NRXN2: variants seen among roughly 807,000 people sequenced by gnomAD.
The protein encoded by NRXN2 is neurexin 2, also known as neurexin-2-beta.
A neutral mutation model predicts 128.8 loss-of-function variants in NRXN2; 29 were observed. The ratio of observed to expected loss-of-function variants is 0.23; its 90% CI spans 0.17 to 0.31. The LOEUF is 0.31. Ranked by LOEUF, NRXN2 falls within the 10% of genes least tolerant of loss-of-function variation. NRXN2 has a pLI of 1.00. For synonymous variants in NRXN2, 1,098 were observed against 1,075.2 expected (o/e 1.02, Z -0.41); for missense variants, 1,881 against 2,452.6 (o/e 0.77, Z 4.92).
chr11:64,701,902 T>TG lies in NRXN2; in HGVS notation c.731-4111dup, dbSNP rs71579892. On this transcript the variant is annotated intron_variant, in intron 2 of 22. Coordinates refer to ENST00000265459, the MANE Select transcript of NRXN2 (RefSeq NM_015080.4). The stretch of plus-strand genomic sequence containing the variant: ...CCAGCCGCTCTGTCCGGGAGGGAGG[T>TG]GGGGGGGGTCAGCCCCCCGCCCGGC... Among the ~76,000 whole-genome samples the TG allele has an allele frequency of 5.2e-4, 52 of 100,570 alleles. 2 individuals are homozygous for TG. Among genetic ancestry groups the TG allele is most frequent in the Admixed American group, 1.1e-3 (11 of 9,614 alleles). 66.0% of individuals were successfully genotyped at this position (100,570 alleles called of 152,430 possible).
At chr11:64,688,532 CACAA>C (rs1017450417) in intron 5 of NRXN2, 1 of 985,338 alleles carries the variant, frequency 1.0e-6, no homozygotes, top group African/African-American at 1.7e-5. Flanking sequence ...CTCAGCAGAG[CACAA>C]ACAAGATCTG....
intron 17 of NRXN2, chr11:64,642,677 ACAG>A: frequency 1.9e-6 from 3 of 1,556,434 alleles, no homozygotes; most frequent in East Asian, 2.5e-5. Flanking sequence ...CCCAGCAGCA[ACAG>A]CAGCAACAGC....
intron 2 of NRXN2, among the ~76,000 whole-genome samples, chr11:64,708,532 C>A (rs1022403980): frequency 2.6e-5 from 4 of 152,182 alleles, no homozygotes; most frequent in Non-Finnish European, 5.9e-5. Context: ...CTCAGCCACT[C>A]CCACTGAGCT....
intron 17 of NRXN2, among the ~76,000 whole-genome samples, chr11:64,638,486 G>A (rs376764270): frequency 1.3e-5 from 2 of 152,160 alleles, no homozygotes; most frequent in African/African-American, 4.8e-5. Context: ...GCGCTCCGGA[G>A]GCGCCTTCAG....
chr11:64,625,389 C>T (rs1198701549), intron 20 of NRXN2, among the ~76,000 whole-genome samples: 1 of 152,248 alleles, frequency 6.6e-6, no homozygotes, highest in Non-Finnish European at 1.5e-5. Context: ...CTGGAGAGAG[C>T]AGCCCAGTGT....
chr11:64,664,080 AT>A (rs2049431423), intron 9 of NRXN2, among the ~76,000 whole-genome samples: 1 of 152,216 alleles, frequency 6.6e-6, no homozygotes, highest in Admixed American at 6.5e-5. Flanking sequence ...CCAGAGTTTC[AT>A]TTTGGGAAGA....
intron 21 of NRXN2, 86 bp from the exon 22 acceptor site, chr11:64,620,458 A>C: frequency 9.4e-7 from 1 of 1,065,622 alleles, no homozygotes; most frequent in Non-Finnish European, 1.4e-6. Flanking sequence ...GCACGGTGGC[A>C]CGGGGGATGC....
At chr11:64,657,807 G>A (rs987985687) in intron 11 of NRXN2, among the ~76,000 whole-genome samples, 2 of 152,138 alleles carry the variant, frequency 1.3e-5, no homozygotes, top group African/African-American at 2.4e-5. Context: ...CAAGCCTTTG[G>A]TCACAGATTG....
intron 7 of NRXN2, among the ~76,000 whole-genome samples, chr11:64,674,116 C>T (rs2050989978): frequency 6.6e-6 from 1 of 151,406 alleles, no homozygotes; most frequent in African/African-American, 2.4e-5. Context: ...TGGGCTCATG[C>T]ACTCTTCCCA....
Position 64,622,898 on chromosome 11 carries a change from C to A in NRXN2, c.4028G>T (p.Gly1343Val). The A allele has an allele frequency of 4.3e-6, 7 of 1,613,100 alleles. No homozygotes were observed. The highest frequency in any genetic ancestry group is 5.9e-6 in the Non-Finnish European group (7 of 1,179,822). Residue 1343 changes from glycine to valine, a missense_variant, in exon 21 of 23, where the codon GGG (glycine) becomes GTG (valine). By Grantham distance (109) the Gly-to-Val change is moderately radical. This residue lies in a region of NRXN2 where 108 missense variants were observed against 165.2 expected (regional missense o/e 0.65). Transcript: ENST00000265459. This position sits in a 1 kb window ranked among gnomAD's most constrained non-coding sequence, Gnocchi z 4.3. ...TEGHLRLVGEGPSVLLSAETT... is the reference protein window; with the variant it reads ...TEGHLRLVGEVPSVLLSAETT... ...CTCCGCACTGAGCAGCACGGACGGC[C>A]CCTCCCCCACCAGGCGCAGGTGACC...
chr11:64,644,402 A>C (rs2135427988), intron 17 of NRXN2, among the ~76,000 whole-genome samples: 3 of 150,254 alleles, frequency 2.0e-5, no homozygotes, highest in African/African-American at 7.4e-5. Flanking sequence ...CCCCAGCCCC[A>C]ACCTCTCCCT....
intron 9 of NRXN2, among the ~76,000 whole-genome samples, chr11:64,665,240 C>T (rs1333716513): frequency 6.6e-6 from 1 of 151,106 alleles, no homozygotes; most frequent in East Asian, 1.9e-4. Flanking sequence ...GAGATCGCGC[C>T]ACTGCACTCC....
intron 22 of NRXN2, among the ~76,000 whole-genome samples, chr11:64,611,969 T>C (rs1250465213): frequency 6.7e-6 from 1 of 149,602 alleles, no homozygotes; most frequent in Non-Finnish European, 1.5e-5. Context: ...CCACATGGCT[T>C]CCTCTCCGTT....
chr11:64,643,817 G>T (rs2046211089), intron 17 of NRXN2, among the ~76,000 whole-genome samples: 2 of 151,976 alleles, frequency 1.3e-5, no homozygotes, highest in African/African-American at 4.8e-5. Flanking sequence ...AAGGGACCCT[G>T]CTGAATAATG....
Position 64,695,087 on chromosome 11 carries a change from T to C in NRXN2, c.749-2211A>G, listed in dbSNP as rs956133329. ...GAAGGGGAGGCTGGTTCCCTTCCTG[T>C]CTACCCCTGGCTCAGTCCCAGCTGG... On this transcript the variant is annotated intron_variant, in intron 3 of 22. Coordinates refer to ENST00000265459, the MANE Select transcript of NRXN2 (RefSeq NM_015080.4). Among the ~76,000 whole-genome samples the C allele has an allele frequency of 5.3e-5, 8 of 152,276 alleles. No individual in the cohort carries two copies. The East Asian group carries it at 1.5e-3, about 29-fold the overall frequency.
At chr11:64,621,572 G>A (rs931838249) in intron 21 of NRXN2, among the ~76,000 whole-genome samples, 1 of 152,112 alleles carries the variant, frequency 6.6e-6, no homozygotes, top group Non-Finnish European at 1.5e-5. Flanking sequence ...GCAGGGAGGA[G>A]GGGTCTTAAA....
intron 17 of NRXN2, among the ~76,000 whole-genome samples, chr11:64,642,251 A>T (rs2135416318): frequency 6.6e-6 from 1 of 152,090 alleles, no homozygotes; most frequent in African/African-American, 2.4e-5. Flanking sequence ...AGGAAGTAGA[A>T]GGAGATAATG....
chr11:64,648,804 G>C lies in NRXN2; in HGVS notation c.3213C>G (p.Leu1071=), dbSNP rs139264192. 2.6e-3 allele frequency: 4,147 copies of C among 1,614,202 alleles called. 12 individuals carry two copies. Among genetic ancestry groups the C allele is most frequent in the Non-Finnish European group, 2.9e-3 (3,392 of 1,180,022 alleles). Residue 1071 remains leucine, a synonymous_variant, in exon 16 of 23, where the codon CTC becomes CTG. Transcript: ENST00000265459. This position sits in a 1 kb window ranked among gnomAD's most constrained non-coding sequence, Gnocchi z 4.1. ...CGATGAGGTCTGGGAGACGTCCGTT[G>C]AGGTCCACTGAGGCCAGGCAGCCCT... ...GFQGCLASVD[L]NGRLPDLIAD... is the part of the protein sequence containing the mutation.
intron 22 of NRXN2, among the ~76,000 whole-genome samples, chr11:64,617,494 T>C (rs979553193): frequency 2.0e-5 from 3 of 152,162 alleles, no homozygotes; most frequent in Admixed American, 2.0e-4. Context: ...AATAACCGTG[T>C]AGATGATGGT....
Sources: gnomAD v4.1 joint callset for allele counts (sites outside exome capture counted in the v4.1 genomes callset) on GRCh38, gnomAD v4.1.1 for gene constraint, gnomAD v4.1.1 regional missense constraint, Gnocchi (gnomAD v3.1) non-coding constraint, MANE v1.5 for transcripts, NCBI Gene and HGNC (gene_info 2026-07-23, HGNC 2026-07-21) for gene names.